FHIT: variants seen among roughly 807,000 people sequenced by gnomAD.
The protein encoded by FHIT is bis(5'-adenosyl)-triphosphatase.
In FHIT, 19 loss-of-function variants were observed where a neutral mutation model predicts 17.9. The ratio of observed to expected loss-of-function variants is 1.06; its 90% confidence interval spans 0.74 to 1.56. The LOEUF is 1.56. FHIT is among the 40% of genes most tolerant of loss of function. FHIT has a pLI of 0.00. For missense variants in FHIT, 248 were observed against 189.2 expected, an observed-to-expected ratio of 1.31 and a Z score of -1.82; for synonymous variants, 81 against 69.7, an observed-to-expected ratio of 1.16 and a Z score of -0.81.
At chr3:60,640,640 G>C (rs141163544) in intron 4 of FHIT, among the ~76,000 whole-genome samples, 5 of 152,098 alleles carry the variant, frequency 3.3e-5, no homozygotes, top group Admixed American at 6.6e-5. Context: ...GAAAATCCAA[G>C]AGACAAAGCA....
Position 60,673,102 on chromosome 3 carries a change from A to T in FHIT, c.-17-136123T>A, listed in dbSNP as rs561215277. Among the ~76,000 whole-genome samples the T allele has an allele frequency of 5.9e-5, 9 of 152,256 alleles. No individual in the cohort carries two copies. In the East Asian group the frequency reaches 1.5e-3, roughly 26 times the overall value. On this transcript the variant is annotated intron_variant, in intron 4 of 9. Coordinates refer to ENST00000492590, the MANE Select transcript of FHIT (RefSeq NM_002012.4). ...TGTCATGAGTTTTGCTTTAAATAGT[A>T]AGTTACCCCGTAAGAGCTTAACAGA...
intron 7 of FHIT, among the ~76,000 whole-genome samples, chr3:59,941,231 T>C (rs1706501761): frequency 6.6e-6 from 1 of 152,184 alleles, no homozygotes; most frequent in African/African-American, 2.4e-5. Context: ...TGCTGATTGT[T>C]CTCAAGCTGC....
At chr3:60,590,651 G>C (rs1479118237) in intron 4 of FHIT, among the ~76,000 whole-genome samples, 1 of 152,132 alleles carries the variant, frequency 6.6e-6, no homozygotes, top group Admixed American at 6.6e-5. Flanking sequence ...ACTTCTGTGT[G>C]CATGCCTAAA....
chr3:60,930,474 A>C (rs574164586), intron 3 of FHIT, among the ~76,000 whole-genome samples: 12 of 152,322 alleles, frequency 7.9e-5, no homozygotes, highest in Non-Finnish European at 1.5e-4. Flanking sequence ...TCATCTGACA[A>C]AGGACTAATA....
chr3:60,648,374 A>G (rs1553687357), intron 4 of FHIT, among the ~76,000 whole-genome samples: 1 of 152,188 alleles, frequency 6.6e-6, no homozygotes, highest in Non-Finnish European at 1.5e-5. Context: ...CAGGGTTAAC[A>G]ACTCATGATG....
chr3:61,174,373 T>G (rs1560041224), intron 2 of FHIT, among the ~76,000 whole-genome samples: 1 of 152,232 alleles, frequency 6.6e-6, no homozygotes, highest in Non-Finnish European at 1.5e-5. Flanking sequence ...AGACATTTAA[T>G]TACAGATATA....
intron 7 of FHIT, among the ~76,000 whole-genome samples, chr3:59,979,776 A>T (rs1708571766): frequency 6.6e-6 from 1 of 152,134 alleles, no homozygotes; most frequent in African/African-American, 2.4e-5. Flanking sequence ...CCCGTGTGAC[A>T]AGAGTACATG....
rs71627548 is a variant in FHIT, at chr3:60,626,783, C to CTTTTTT, written c.-17-89805_-17-89804insAAAAAA. 2.1e-4 allele frequency among the ~76,000 whole-genome samples: 18 copies of CTTTTTT among 85,948 alleles called. 5 individuals are homozygous for CTTTTTT. Among genetic ancestry groups the CTTTTTT allele is most frequent in the Admixed American group, 3.8e-4 (3 of 7,914 alleles). 56.4% of individuals were successfully genotyped at this position (85,948 alleles called of 152,430 possible). On this transcript the variant is annotated intron_variant, in intron 4 of 9. Coordinates refer to ENST00000492590, the MANE Select transcript of FHIT (RefSeq NM_002012.4). Reference sequence around the variant, plus strand: ...TTCTTCCTTATCTTAGGGGAAAACACTCTTTTTTTTTTTTTTTTTTACGTT... The same window carrying CTTTTTT: ...TTCTTCCTTATCTTAGGGGAAAACACTTTTTTTCTTTTTTTTTTTTTTTTTTACGTT...
At chr3:60,413,093 G>T (rs1161385374) in intron 5 of FHIT, among the ~76,000 whole-genome samples, 2 of 152,082 alleles carry the variant, frequency 1.3e-5, no homozygotes, top group Admixed American at 1.3e-4. Flanking sequence ...CACAAACCTA[G>T]ATCTAACTCT....
At chr3:60,586,566 C>G (rs1553662103) in intron 4 of FHIT, among the ~76,000 whole-genome samples, 1 of 151,950 alleles carries the variant, frequency 6.6e-6, no homozygotes, top group African/African-American at 2.4e-5. Flanking sequence ...GCACTATTCA[C>G]AAAAGCAAAG....
chr3:60,162,817 A>G (rs890586747), intron 5 of FHIT, among the ~76,000 whole-genome samples: 3 of 152,086 alleles, frequency 2.0e-5, no homozygotes, highest in Admixed American at 6.5e-5. Context: ...TCATTCCCCT[A>G]TGGCTTCCCT....
At chr3:60,872,566 C>G (rs782500887) in intron 3 of FHIT, among the ~76,000 whole-genome samples, 3 of 152,058 alleles carry the variant, frequency 2.0e-5, no homozygotes, top group Admixed American at 6.6e-5. Flanking sequence ...GTTTTGCTTC[C>G]TGGCTTTTGA....
At chr3:60,351,622 T>A (rs1377364391) in intron 5 of FHIT, among the ~76,000 whole-genome samples, 3 of 152,208 alleles carry the variant, frequency 2.0e-5, no homozygotes, top group Non-Finnish European at 2.9e-5. Flanking sequence ...TGATAATACC[T>A]GTAAAATGCT....
intron 8 of FHIT, among the ~76,000 whole-genome samples, chr3:59,766,104 T>G (rs1280933269): frequency 6.6e-6 from 1 of 152,174 alleles, no homozygotes; most frequent in African/African-American, 2.4e-5. Flanking sequence ...GGATGGTTTT[T>G]TGTGTGGGAC....
chr3:60,125,452 T>A (rs1024348045), intron 5 of FHIT, among the ~76,000 whole-genome samples: 1 of 151,922 alleles, frequency 6.6e-6, no homozygotes, highest in Non-Finnish European at 1.5e-5. Context: ...GCCAACATGG[T>A]GAAACCCCAT....
intron 2 of FHIT, among the ~76,000 whole-genome samples, chr3:61,069,316 T>C (rs1410583853): frequency 3.9e-5 from 6 of 152,202 alleles, no homozygotes; most frequent in African/African-American, 1.4e-4. Flanking sequence ...CTTCTCAATT[T>C]GGCTGCATAT....
intron 5 of FHIT, among the ~76,000 whole-genome samples, chr3:60,160,289 G>A (rs1437707770): frequency 6.6e-6 from 1 of 152,132 alleles, no homozygotes; most frequent in Non-Finnish European, 1.5e-5. Context: ...TCCTCCAACC[G>A]CTAGATGGAA....
At chr3:59,960,940 A>G (rs1228922064) in intron 7 of FHIT, among the ~76,000 whole-genome samples, 1 of 152,230 alleles carries the variant, frequency 6.6e-6, no homozygotes, top group Non-Finnish European at 1.5e-5. Flanking sequence ...CCCAGCAAGG[A>G]ATAGATTAAA....
chr3:60,042,432 C>T (rs992784431), intron 5 of FHIT, among the ~76,000 whole-genome samples: 1 of 152,156 alleles, frequency 6.6e-6, no homozygotes, highest in African/African-American at 2.4e-5. Flanking sequence ...GTTCTGAGGA[C>T]AGGGGCCTAA....
Sources: allele counts gnomAD v4.1 joint callset (sites outside exome capture counted in the v4.1 genomes callset), GRCh38; gene constraint gnomAD v4.1.1; transcripts MANE v1.5; gene names NCBI Gene and HGNC (gene_info 2026-07-23, HGNC 2026-07-21).